The following ADPRM variants were observed in gnomAD, a reference collection of about 807,000 sequenced individuals.
The protein encoded by ADPRM is ADP-ribose/CDP-alcohol diphosphatase, manganese dependent.
In ADPRM, 17 loss-of-function variants were observed where a neutral mutation model predicts 27.2. The ratio of observed to expected loss-of-function variants is 0.63; its 90% CI spans 0.43 to 0.94. ADPRM has a LOEUF of 0.94. Ranked by LOEUF, ADPRM falls within the 40% of genes least tolerant of loss-of-function variation. The pLI is 0.00. For missense variants in ADPRM, 337 were observed against 412.8 expected, an observed-to-expected ratio of 0.82 and a Z score of 1.59; for synonymous variants, 135 against 145.3, an observed-to-expected ratio of 0.93 and a Z score of 0.51.
chr17:10,709,366 T>C (rs561345097), intron 3 of ADPRM, among the ~76,000 whole-genome samples: 2 of 152,290 alleles, frequency 1.3e-5, no homozygotes, highest in Non-Finnish European at 2.9e-5. Context: ...TGAAAGAGTG[T>C]AGATGACATT....
At position 10,705,265 on chromosome 17, in the gene ADPRM, C is replaced by CT; in HGVS notation, c.340dup (p.Tyr114LeufsTer2). The CT allele has an allele frequency of 6.2e-7, 1 of 1,614,016 alleles. No individual in the cohort carries two copies. The highest frequency in any genetic ancestry group is 1.3e-5 in the African/African-American group (1 of 75,038). Reference sequence around the variant, plus strand: ...ATCATACATGGGGAAACCATGAATTCTATAACTTCAGTAGAGAGTATTTAA... The same window carrying CT: ...ATCATACATGGGGAAACCATGAATTCTTATAACTTCAGTAGAGAGTATTTAA... On this transcript the variant is annotated frameshift_variant, in exon 2 of 4. Transcript: ENST00000379774. LOFTEE classifies it high-confidence loss of function. The surrounding 1 kb of genome is among the most constrained non-coding windows in gnomAD (Gnocchi z 5.4).
At chr17:10,703,026 TTTCTC>T (rs1205722187) in intron 1 of ADPRM, among the ~76,000 whole-genome samples, 1 of 152,146 alleles carries the variant, frequency 6.6e-6, no homozygotes, top group African/African-American at 2.4e-5. Context: ...CAGAAATAGT[TTTCTC>T]TTAAGAGTTA....
At chr17:10,706,577 T>C in intron 3 of ADPRM, 23 bp downstream of exon 3, 1 of 1,471,636 alleles carries the variant, frequency 6.8e-7, no homozygotes, top group Non-Finnish European at 9.1e-7. Flanking sequence ...TTTATCTGAT[T>C]ACACTAACAT....
chr17:10,698,601 T>C (rs1347915892), intron 1 of ADPRM, among the ~76,000 whole-genome samples: 1 of 152,218 alleles, frequency 6.6e-6, no homozygotes, highest in Non-Finnish European at 1.5e-5. Flanking sequence ...GCTCTGATGA[T>C]TGTTGGACCA....
chr17:10,698,500 C>T (rs1369667275), intron 1 of ADPRM: 2 of 152,192 alleles, frequency 1.3e-5, no homozygotes, highest in African/African-American at 4.8e-5. Context: ...AAAGGAAAAT[C>T]GTCCTCTAAT....
chr17:10,707,085 G>T (rs2074817887), intron 3 of ADPRM, among the ~76,000 whole-genome samples: 1 of 152,054 alleles, frequency 6.6e-6, no homozygotes, highest in Non-Finnish European at 1.5e-5. Context: ...AGAGAAGCAA[G>T]AACCCAAAGG....
intron 3 of ADPRM, 68 bp from the exon 4 acceptor site, chr17:10,710,766 A>T: frequency 6.9e-7 from 1 of 1,446,198 alleles, no homozygotes; most frequent in Non-Finnish European, 9.5e-7. Flanking sequence ...ACTAGCTTTT[A>T]GCCATTTATT....
At position 10,705,359 on chromosome 17, in the gene ADPRM, G is replaced by A. The variant is rs1396456487; in HGVS notation, c.433G>A (p.Glu145Lys). Reference protein sequence around the residue: ...IVHHPETMPSEDYYAYHFVPF... With the variant: ...IVHHPETMPSKDYYAYHFVPF... ...ACATCATCCTGAGACCATGCCTTCA[G>A]AAGATTATTATGCTTATCATTTTGT... is the stretch of plus-strand genomic sequence containing the variant. The change falls in exon 2 of 4, where the codon GAA becomes AAA. Residue 145 changes from glutamate (E) to lysine (K), a missense_variant. Coordinates refer to ENST00000379774, the MANE Select transcript of ADPRM (RefSeq NM_020233.5). This position sits in a 1 kb window ranked among gnomAD's most constrained non-coding sequence, Gnocchi z 5.4. 6.2e-7 allele frequency: 1 copy of A among 1,613,982 alleles called. No individual in the cohort carries two copies. Among genetic ancestry groups the A allele is most frequent in the East Asian group, 2.2e-5 (1 of 44,874 alleles).
chr17:10,699,300 G>C (rs1233058677), intron 1 of ADPRM: 1 of 151,930 alleles, frequency 6.6e-6, no homozygotes, highest in Non-Finnish European at 1.5e-5. Context: ...ATAAAATATA[G>C]TTCCTGGCTC....
Position 10,697,629 on chromosome 17 carries a change from C to A in ADPRM, c.-56C>A, listed in dbSNP as rs752533315. The A allele has an allele frequency of 1.8e-4, 227 of 1,273,322 alleles. 1 individual carries two copies. The highest frequency in any genetic ancestry group is 1.8e-4 in the Non-Finnish European group (157 of 895,728). 78.9% of individuals were successfully genotyped at this position (1,273,322 alleles called of 1,614,324 possible). A position where few individuals can be genotyped will look rare whatever the true frequency, so the allele number is the denominator to read the frequency against. On this transcript the variant is annotated 5_prime_UTR_variant, in exon 1 of 4. Coordinates refer to ENST00000379774, the MANE Select transcript of ADPRM (RefSeq NM_020233.5). Reference sequence around the variant, plus strand: ...CTCGTTGGTGGCGCTGTTACATAGCCCGTAGTCAGAGGCCTTTCAGCCCAG... The same window carrying A: ...CTCGTTGGTGGCGCTGTTACATAGCACGTAGTCAGAGGCCTTTCAGCCCAG...
chr17:10,701,464 G>T (rs889316233), intron 1 of ADPRM, among the ~76,000 whole-genome samples: 36 of 151,954 alleles, frequency 2.4e-4, no homozygotes, highest in Admixed American at 6.6e-4. Context: ...CTGAGTAGCT[G>T]GGACTACAGG....
At chr17:10,698,619 G>A (rs1405629335) in intron 1 of ADPRM, among the ~76,000 whole-genome samples, 1 of 152,078 alleles carries the variant, frequency 6.6e-6, no homozygotes, top group Admixed American at 6.5e-5. Flanking sequence ...CCAGAGCATG[G>A]TTGGTTTGCT....
At chr17:10,710,770 A>G in intron 3 of ADPRM, 64 bp from the exon 4 acceptor site, 2 of 1,476,242 alleles carry the variant, frequency 1.4e-6, no homozygotes, top group Non-Finnish European at 9.2e-7. Context: ...GCTTTTAGCC[A>G]TTTATTTTTA....
Position 10,705,095 on chromosome 17 carries a change from G to A in ADPRM, c.169G>A (p.Glu57Lys). 1.2e-6 allele frequency: 2 copies of A among 1,614,098 alleles called. No individual in the cohort carries two copies. The highest frequency in any genetic ancestry group is 1.7e-6 in the Non-Finnish European group (2 of 1,180,008). Residue 57 changes from glutamate to lysine, a missense_variant, in exon 2 of 4, where the codon GAA becomes AAA. Coordinates refer to ENST00000379774, the MANE Select transcript of ADPRM (RefSeq NM_020233.5). This position sits in a 1 kb window ranked among gnomAD's most constrained non-coding sequence, Gnocchi z 5.4. ...HSLLHLQGAI[E>K]DWNNESSMPC... ...TCTTCTTCACTTACAGGGTGCCATT[G>A]AAGACTGGAATAATGAAAGCAGCAT...
At chr17:10,703,389 A>G (rs114336027) in intron 1 of ADPRM, among the ~76,000 whole-genome samples, 489 of 152,314 alleles carry the variant, frequency 3.2e-3, no homozygotes, top group African/African-American at 0.011. Context: ...TGAGAACACC[A>G]TGTTTAAGGA....
intron 1 of ADPRM, among the ~76,000 whole-genome samples, 191 bp from the exon 2 acceptor site, chr17:10,704,719 G>A (rs966045207): frequency 4.6e-5 from 7 of 152,152 alleles, no homozygotes; most frequent in African/African-American, 1.7e-4. Flanking sequence ...CTGTTTTACA[G>A]AAGAGAAAGC....
At chr17:10,710,725 G>A in intron 3 of ADPRM, 109 bp from the exon 4 acceptor site, 1 of 946,710 alleles carries the variant, frequency 1.1e-6, no homozygotes, top group Non-Finnish European at 1.5e-6. Context: ...TTTGCATAAT[G>A]AGATAGCAAT....
Position 10,710,941 on chromosome 17 carries a change from G to T in ADPRM, c.826G>T (p.Ala276Ser). 6.2e-7 allele frequency: 1 copy of T among 1,614,114 alleles called. No individual in the cohort carries two copies. The highest frequency in any genetic ancestry group is 8.5e-7 in the Non-Finnish European group (1 of 1,180,012). Residue 276 changes from alanine (A) to serine (S), a missense_variant, in exon 4 of 4, where the codon GCT becomes TCT. Ala to Ser is a moderately conservative substitution (Grantham distance 99). Coordinates refer to ENST00000379774, the MANE Select transcript of ADPRM (RefSeq NM_020233.5). ...WSHECVVCFF[A>S]GHTHDGGYSE... The stretch of plus-strand genomic sequence containing the variant: ...TCATGAGTGTGTGGTGTGTTTCTTT[G>T]CTGGTCACACCCATGATGGTGGCTA...
chr17:10,711,381 G>A lies in ADPRM; in HGVS notation c.*237G>A, dbSNP rs2074852356. 1.3e-5 allele frequency: 6 copies of A among 471,888 alleles called. No homozygotes were observed. The highest frequency in any genetic ancestry group is 2.3e-5 in the Non-Finnish European group (6 of 264,512). The allele number at this position is 471,888 out of a possible 1,614,324, so 29.2% of individuals were successfully genotyped here. ...GGCAGGGGTGTATAGTCCTCATAAG[G>A]GGCATATAGTCCTCATGAGGGATCT... On this transcript the variant is annotated 3_prime_UTR_variant, in exon 4 of 4. Coordinates refer to ENST00000379774, the MANE Select transcript of ADPRM (RefSeq NM_020233.5).
Sources: allele counts gnomAD v4.1 joint callset (sites outside exome capture counted in the v4.1 genomes callset), GRCh38; gene constraint gnomAD v4.1.1; non-coding constraint Gnocchi (gnomAD v3.1); transcripts MANE v1.5; gene names NCBI Gene and HGNC (gene_info 2026-07-23, HGNC 2026-07-21).